Variants in GNA15 observed in about 807,000 individuals in gnomAD.
The protein encoded by GNA15 is guanine nucleotide-binding protein subunit alpha-15.
Under a neutral mutation model 40.1 loss-of-function variants are expected in GNA15, and 23 were observed. The ratio of observed to expected loss-of-function variants is 0.57; its 90% CI spans 0.41 to 0.81. The LOEUF (loss-of-function observed/expected upper bound fraction) is 0.81, where lower values mean the gene tolerates loss of function less well. GNA15 is among the 40% of genes least tolerant of loss of function. GNA15 has a pLI of 0.00. For synonymous variants in GNA15, 226 were observed against 210.4 expected (o/e 1.07, Z -0.64); for missense variants, 522 against 515.8 (o/e 1.01, Z -0.12).
chr19:3,151,942 C>A lies in GNA15; in HGVS notation c.614+107C>A. On this transcript the variant is annotated intron_variant, in intron 4 of 6. Transcript: ENST00000262958. The surrounding 1 kb of genome is among the most constrained non-coding windows in gnomAD (Gnocchi z 5.0). ...TGAGTAGGAGTTTCTTAGGCCCAGCCTTCAAGGAGCTGCCAAGCTAGGGGA... is the reference window on the plus strand; with the variant it reads ...TGAGTAGGAGTTTCTTAGGCCCAGCATTCAAGGAGCTGCCAAGCTAGGGGA... 1 of 771,402 alleles carries A rather than the reference C, an allele frequency of 1.3e-6. No individual in the cohort carries two copies. Among genetic ancestry groups the A allele is most frequent in the Non-Finnish European group, 2.0e-6 (1 of 502,946 alleles). The allele number at this position is 771,402 out of a possible 1,614,324, so 47.8% of individuals were successfully genotyped here. A position where few individuals can be genotyped will look rare whatever the true frequency, so the allele number is the denominator to read the frequency against.
At chr19:3,145,814 C>T (rs554563216) in intron 1 of GNA15, among the ~76,000 whole-genome samples, 6 of 150,934 alleles carry the variant, frequency 4.0e-5, no homozygotes, top group African/African-American at 9.7e-5. Flanking sequence ...TCCCAAAGTG[C>T]GGAGATTATA....
chr19:3,159,634 C>T (rs930748131), intron 6 of GNA15, among the ~76,000 whole-genome samples: 3 of 152,236 alleles, frequency 2.0e-5, no homozygotes, highest in Non-Finnish European at 4.4e-5. Context: ...TGAGCCACCA[C>T]ACCTGGCCTT....
At chr19:3,138,315 C>T (rs72981182) in intron 1 of GNA15, among the ~76,000 whole-genome samples, 4,757 of 152,196 alleles carry the variant, frequency 0.031, 125 homozygotes, top group Non-Finnish European at 0.045. Flanking sequence ...TTCTCATTCC[C>T]GTAGCTTGTT....
At chr19:3,149,139 A>C in intron 2 of GNA15, 7 of 226,944 alleles carry the variant, frequency 3.1e-5, no homozygotes, top group Admixed American at 5.3e-5. Flanking sequence ...ACACACACAA[A>C]TGCACACAAG....
intron 6 of GNA15, among the ~76,000 whole-genome samples, chr19:3,160,831 C>T (rs12975990): frequency 6.6e-6 from 1 of 152,122 alleles, no homozygotes; most frequent in Non-Finnish European, 1.5e-5. Context: ...GCAATCTCTG[C>T]CTCCATGTTC....
Position 3,136,665 on chromosome 19 carries a change from C to A in GNA15, c.145+70C>A, listed in dbSNP as rs370713281. On this transcript the variant is annotated intron_variant, in intron 1 of 6. Coordinates refer to ENST00000262958, the MANE Select transcript of GNA15 (RefSeq NM_002068.4). This position sits in a 1 kb window ranked among gnomAD's most constrained non-coding sequence, Gnocchi z 4.9. ...TGGCCAGCCGGCAGGGGTGTCGGGG[C>A]AAGGAGGCGGATCAGGCTAGGTCAG... The A allele has an allele frequency of 2.4e-5, 34 of 1,407,416 alleles. No individual in the cohort carries two copies. In the African/African-American group the frequency reaches 3.6e-4, roughly 15 times the overall value. The allele number at this position is 1,407,416 out of a possible 1,614,324, so 87.2% of individuals were successfully genotyped here.
intron 5 of GNA15, among the ~76,000 whole-genome samples, chr19:3,157,122 C>G: frequency 6.6e-6 from 1 of 151,912 alleles, no homozygotes; most frequent in East Asian, 1.9e-4. Flanking sequence ...CTCAGCCTCC[C>G]GAGTAGCTGG....
In GNA15 at chr19:3,151,687, C is replaced by T. The variant is rs775061403; in HGVS notation, c.486-20C>T. The T allele has an allele frequency of 6.4e-7, 1 of 1,571,058 alleles. No homozygotes were observed. The highest frequency in any genetic ancestry group is 8.6e-7 in the Non-Finnish European group (1 of 1,158,546). Reference sequence around the variant, plus strand: ...GGAGGCTGGCTGCAAGGCTGGGCCTCAGGACTCCTTGCTCTGCAGCTACCT... The same window carrying T: ...GGAGGCTGGCTGCAAGGCTGGGCCTTAGGACTCCTTGCTCTGCAGCTACCT... On this transcript the variant is annotated intron_variant, in intron 3 of 6. Transcript: ENST00000262958. The surrounding 1 kb of genome is among the most constrained non-coding windows in gnomAD (Gnocchi z 5.0).
intron 5 of GNA15, among the ~76,000 whole-genome samples, chr19:3,156,507 C>A (rs62127301): frequency 0.36 from 54,082 of 151,772 alleles, 9,895 homozygotes; most frequent in Non-Finnish European, 0.39. Context: ...CACACACATG[C>A]GTGCACACAC....
rs1457670833 is a variant in GNA15 at position 3,136,052 on chromosome 19, C to T, written c.-399C>T. On this transcript the variant is annotated 5_prime_UTR_variant, in exon 1 of 7. Transcript: ENST00000262958. The surrounding 1 kb of genome is among the most constrained non-coding windows in gnomAD (Gnocchi z 4.9). ...TTCTCCAGAAGGAGGAAGAAGGGCC[C>T]TGCTGGTCACACAGGACCCAGTCTG... 1 of 168,510 alleles carries T rather than the reference C, an allele frequency of 5.9e-6. No individual in the cohort carries two copies. The highest frequency in any genetic ancestry group is 2.4e-5 in the African/African-American group (1 of 41,488). The allele number at this position is 168,510 out of a possible 1,614,324, so 10.4% of individuals were successfully genotyped here.
chr19:3,160,531 G>A lies in GNA15; in HGVS notation c.899-2262G>A, dbSNP rs182553351. 1.8e-3 allele frequency among the ~76,000 whole-genome samples: 267 copies of A among 152,188 alleles called. 2 individuals carry two copies. The highest frequency in any genetic ancestry group is 6.3e-3 in the African/African-American group (260 of 41,498). ...TCAAGCACATCACTCATATCAGCCC[G>A]GATTCAAAAGAAAGAGACTCCATCT... On this transcript the variant is annotated intron_variant, in intron 6 of 6. Transcript: ENST00000262958.
chr19:3,138,475 A>C (rs1034667405), intron 1 of GNA15, among the ~76,000 whole-genome samples: 3 of 152,086 alleles, frequency 2.0e-5, no homozygotes, highest in African/African-American at 7.2e-5. Flanking sequence ...CCGGGCAAAG[A>C]GCTTGATCAT....
chr19:3,136,703 T>G lies in GNA15; in HGVS notation c.145+108T>G, dbSNP rs1914467029. 4 of 976,700 alleles carry G rather than the reference T, an allele frequency of 4.1e-6. No homozygotes were observed. The highest frequency in any genetic ancestry group is 6.0e-6 in the Non-Finnish European group (4 of 665,928). The allele number at this position is 976,700 out of a possible 1,614,324, so 60.5% of individuals were successfully genotyped here. Reference sequence around the variant, plus strand: ...CAGGCTAGGTCAGACATTGGCATCGTGGAGCCGTCGCCTCCTCCCAGGGAA... The same window carrying G: ...CAGGCTAGGTCAGACATTGGCATCGGGGAGCCGTCGCCTCCTCCCAGGGAA... On this transcript the variant is annotated intron_variant, in intron 1 of 6. Coordinates refer to ENST00000262958, the MANE Select transcript of GNA15 (RefSeq NM_002068.4). The surrounding 1 kb of genome is among the most constrained non-coding windows in gnomAD (Gnocchi z 4.9).
At chr19:3,144,985 T>C (rs1298895341) in intron 1 of GNA15, among the ~76,000 whole-genome samples, 3 of 151,324 alleles carry the variant, frequency 2.0e-5, no homozygotes, top group Non-Finnish European at 4.4e-5. Context: ...CGCGCCACCA[T>C]GCCCAGCTAA....
intron 5 of GNA15, among the ~76,000 whole-genome samples, chr19:3,156,794 C>T (rs185261548): frequency 1.3e-5 from 2 of 152,102 alleles, no homozygotes; most frequent in Non-Finnish European, 2.9e-5. Flanking sequence ...CTGTGCCCAG[C>T]CAATAGCCTC....
At chr19:3,150,626 T>C (rs1914857708) in intron 3 of GNA15, among the ~76,000 whole-genome samples, 1 of 152,064 alleles carries the variant, frequency 6.6e-6, no homozygotes, top group Non-Finnish European at 1.5e-5. Context: ...ATCCAGTTCC[T>C]TGGGGAGACC....
intron 1 of GNA15, among the ~76,000 whole-genome samples, chr19:3,146,050 G>A (rs1056968500): frequency 3.9e-5 from 6 of 152,024 alleles, no homozygotes; most frequent in Non-Finnish European, 7.4e-5. Flanking sequence ...TCCGTGCTCC[G>A]GCCTTCTCCT....
intron 1 of GNA15, among the ~76,000 whole-genome samples, chr19:3,144,079 G>A (rs1682799): frequency 0.45 from 67,238 of 148,116 alleles, 15,591 homozygotes; most frequent in African/African-American, 0.5. Context: ...AGCCGAGATC[G>A]CGACACTGCA....
Position 3,152,498 on chromosome 19 carries a change from T to C in GNA15, c.614+663T>C, listed in dbSNP as rs310677. On this transcript the variant is annotated intron_variant, in intron 4 of 6. Coordinates refer to ENST00000262958, the MANE Select transcript of GNA15 (RefSeq NM_002068.4). ...ATGGAGTCCTTTGGGACAGGTTGAG[T>C]CTGAGGGGCCTAGGGGGACTCCACC... is the stretch of plus-strand genomic sequence containing the variant. Among the ~76,000 whole-genome samples the C allele has an allele frequency of 2.1e-3, 324 of 151,682 alleles. 6 individuals are homozygous for C. The highest frequency in any genetic ancestry group is 7.7e-3 in the African/African-American group (317 of 41,308).
Sources: allele counts gnomAD v4.1 joint callset (sites outside exome capture counted in the v4.1 genomes callset), GRCh38; gene constraint gnomAD v4.1.1; non-coding constraint Gnocchi (gnomAD v3.1); transcripts MANE v1.5; gene names NCBI Gene and HGNC (gene_info 2026-07-23, HGNC 2026-07-21).